Variants in RET observed in about 807,000 individuals in gnomAD.
RET encodes the protein ret proto-oncogene.
Under a neutral mutation model 118.3 loss-of-function variants are expected in RET, and 19 were observed. The observed-to-expected ratio is 0.16, with a 90% confidence interval of 0.11 to 0.24. The LOEUF (loss-of-function observed/expected upper bound fraction) is 0.24, where lower values mean the gene tolerates loss of function less well. Ranked by LOEUF, RET falls within the 10% of genes least tolerant of loss-of-function variation. RET has a pLI of 1.00. For synonymous variants in RET, 597 were observed against 644.1 expected, an observed-to-expected ratio of 0.93 and a Z score of 1.11; for missense variants, 1,219 against 1,502.1, an observed-to-expected ratio of 0.81 and a Z score of 3.12.
chr10:43,095,889 C>T (rs1051081910), intron 1 of RET, among the ~76,000 whole-genome samples: 4 of 152,248 alleles, frequency 2.6e-5, no homozygotes, highest in Admixed American at 1.3e-4. Flanking sequence ...TGCCTGGGCA[C>T]AGCCAGCCTG....
At chr10:43,123,898 G>A (rs1031145606) in intron 17 of RET, 90 bp downstream of exon 17, 1 of 1,591,218 alleles carries the variant, frequency 6.3e-7, no homozygotes. Flanking sequence ...AGCCCCAGGA[G>A]AAACCAGGAG....
At chr10:43,104,748 ACTG>A in intron 3 of RET, 1 of 761,850 alleles carries the variant, frequency 1.3e-6, no homozygotes, top group South Asian at 1.8e-5. Flanking sequence ...ATCGCTGCAA[ACTG>A]CAAACTCGTA....
At position 43,114,490 on chromosome 10, in the gene RET, C is replaced by T. The variant is rs781145070; in HGVS notation, c.1890C>T (p.Cys630=). ...CEPEDIQDPL[C]DELCRTVIAA... ...CACCCCCACCCACAGATCCACTGTG[C>T]GACGAGCTGTGCCGCACGGTGATCG... Residue 630 remains cysteine (C), a synonymous_variant, in exon 11 of 20, where the codon TGC becomes TGT. Coordinates refer to ENST00000355710, the MANE Select transcript of RET (RefSeq NM_020975.6). This position sits in a 1 kb window ranked among gnomAD's most constrained non-coding sequence, Gnocchi z 4.6. 38 of 1,606,654 alleles carry T rather than the reference C, an allele frequency of 2.4e-5. No individual in the cohort carries two copies. The highest frequency in any genetic ancestry group is 2.9e-5 in the Non-Finnish European group (34 of 1,179,968).
At position 43,111,303 on chromosome 10, in the gene RET, G is replaced by C. The variant is rs1837917806; in HGVS notation, c.1360G>C (p.Val454Leu). The C allele has an allele frequency of 6.2e-7, 1 of 1,614,172 alleles. No homozygotes were observed. Among genetic ancestry groups the C allele is most frequent in the Non-Finnish European group, 8.5e-7 (1 of 1,180,042 alleles). ...TGGTGCCAACTGCAGCACGCTAGGG[G>C]TGGTCACCTCAGCCGAGGACACCTC... ...SSGANCSTLG[V>L]VTSAEDTSGI... The change falls in exon 7 of 20, where the codon GTG becomes CTG. Residue 454 changes from valine to leucine, a missense_variant. Physicochemically the swap from Val to Leu is conservative, Grantham distance 32 (BLOSUM62 1). Around this residue, in one of 5 missense-constraint regions of RET, gnomAD observed 850 missense variants for 969.6 expected, o/e 0.88. Coordinates refer to ENST00000355710, the MANE Select transcript of RET (RefSeq NM_020975.6).
chr10:43,089,266 G>C (rs1441567862), intron 1 of RET, among the ~76,000 whole-genome samples: 3 of 152,244 alleles, frequency 2.0e-5, no homozygotes, highest in Non-Finnish European at 4.4e-5. Context: ...GCCGGGGTCA[G>C]GTGTCCCAGG....
intron 3 of RET, 29 bp downstream of exon 3, chr10:43,102,658 A>G (rs776672184): frequency 6.2e-7 from 1 of 1,613,116 alleles, no homozygotes; most frequent in Non-Finnish European, 8.5e-7. Context: ...GGGCCGCCCC[A>G]CAGTGCCTGC....
At chr10:43,125,792 C>T (rs949576229) in intron 18 of RET, among the ~76,000 whole-genome samples, 5 of 152,184 alleles carry the variant, frequency 3.3e-5, no homozygotes, top group Non-Finnish European at 5.9e-5. Context: ...ACTTGGATAG[C>T]GGGATGCAGG....
intron 1 of RET, among the ~76,000 whole-genome samples, chr10:43,095,777 C>T (rs1837510520): frequency 6.6e-6 from 1 of 152,192 alleles, no homozygotes; most frequent in Non-Finnish European, 1.5e-5. Context: ...ACTACATAGG[C>T]CTTGAAGGTT....
intron 1 of RET, among the ~76,000 whole-genome samples, chr10:43,079,122 G>GGGCCTGATGACA (rs1217109373): frequency 6.6e-6 from 1 of 152,198 alleles, no homozygotes; most frequent in East Asian, 1.9e-4. Flanking sequence ...TTTAGTGGCT[G>GGGCCTGATGACA]GGCCTGATGA....
At chr10:43,093,933 CG>C (rs1256468608) in intron 1 of RET, among the ~76,000 whole-genome samples, 2 of 151,686 alleles carry the variant, frequency 1.3e-5, no homozygotes, top group African/African-American at 4.8e-5. Flanking sequence ...GGTGGGGAGG[CG>C]GGAGGAGCAG....
intron 1 of RET, among the ~76,000 whole-genome samples, chr10:43,091,822 C>CA (rs60545334): frequency 5.8e-4 from 67 of 114,578 alleles, no homozygotes; most frequent in East Asian, 4.7e-3. Flanking sequence ...TGTCTACTAT[C>CA]AAAAAAAAAA....
rs1314541806 is a variant in RET, at chr10:43,116,571, A to C, written c.2137-13A>C. ...TCCCCCCTCTTCTCCCCCTTCCCTCATTTCCAACATAGGAGGATCCAAAGT... is the reference window on the plus strand; with the variant it reads ...TCCCCCCTCTTCTCCCCCTTCCCTCCTTTCCAACATAGGAGGATCCAAAGT... On this transcript the variant is annotated splice_polypyrimidine_tract_variant and intron_variant, in intron 11 of 19. Transcript: ENST00000355710. 2 of 1,606,788 alleles carry C rather than the reference A, an allele frequency of 1.2e-6. No homozygotes were observed. Among genetic ancestry groups the C allele is most frequent in the African/African-American group, 2.7e-5 (2 of 74,098 alleles).
intron 1 of RET, among the ~76,000 whole-genome samples, chr10:43,094,547 T>G (rs1219051931): frequency 1.3e-5 from 2 of 152,168 alleles, no homozygotes; most frequent in Non-Finnish European, 2.9e-5. Flanking sequence ...TGTGTTTCTG[T>G]GGCAGGGTCA....
At chr10:43,088,713 C>G (rs558991935) in intron 1 of RET, among the ~76,000 whole-genome samples, 1 of 152,212 alleles carries the variant, frequency 6.6e-6, no homozygotes, top group South Asian at 2.1e-4. Flanking sequence ...TTGCTCCAGG[C>G]TCATTACCAC....
In RET at chr10:43,104,860, C is replaced by G. The variant is rs1411585168; in HGVS notation, c.626-92C>G. ...GCCTGGGGCCGCGGCGGTGTGCGCC[C>G]CGCTCTGACCGCAGAGCCCCCTTCC... On this transcript the variant is annotated intron_variant, in intron 3 of 19. Coordinates refer to ENST00000355710, the MANE Select transcript of RET (RefSeq NM_020975.6). 2.7e-6 allele frequency: 4 copies of G among 1,504,170 alleles called. No individual in the cohort carries two copies. In the Admixed American group the frequency reaches 8.3e-5, roughly 31 times the overall value. 93.2% of individuals were successfully genotyped at this position (1,504,170 alleles called of 1,614,324 possible). A position where few individuals can be genotyped will look rare whatever the true frequency, so the allele number is the denominator to read the frequency against.
rs1838392328 is a variant in RET, at chr10:43,128,958, C to T, written c.*689C>T. On this transcript the variant is annotated 3_prime_UTR_variant, in exon 20 of 20. Transcript: ENST00000355710. The stretch of plus-strand genomic sequence containing the variant: ...TTAGCACAATGGAGAGATTCCATGC[C>T]ATCTTTACTATGTGGATGGTGGTAT... 1 of 238,006 alleles carries T rather than the reference C, an allele frequency of 4.2e-6. No individual in the cohort carries two copies. The highest frequency in any genetic ancestry group is 8.3e-6 in the Non-Finnish European group (1 of 120,882). 14.7% of individuals were successfully genotyped at this position (238,006 alleles called of 1,614,324 possible). A position where few individuals can be genotyped will look rare whatever the true frequency, so the allele number is the denominator to read the frequency against.
At chr10:43,102,953 C>G in intron 3 of RET, 1 of 434,258 alleles carries the variant, frequency 2.3e-6, no homozygotes, top group Non-Finnish European at 4.3e-6. Flanking sequence ...GAGGGAAACG[C>G]TGAAGAGGAG....
chr10:43,111,460 G>A lies in RET; in HGVS notation c.1517G>A (p.Gly506Glu), dbSNP rs1273035640. ...AQAQLLVTVE[G>E]SYVAEEAGCP... is the part of the protein sequence containing the mutation. ...GCCCAGCTGCTTGTAACAGTGGAGG[G>A]GTCATGTGAGTGCCTGCTCCAGGGA... Residue 506 changes from glycine (G) to glutamate (E), a missense_variant, in exon 7 of 20, where the codon GGG (glycine) becomes GAG (glutamate). Physicochemically the swap from Gly to Glu is moderately conservative, Grantham distance 98. Coordinates refer to ENST00000355710, the MANE Select transcript of RET (RefSeq NM_020975.6). The A allele has an allele frequency of 6.2e-7, 1 of 1,611,778 alleles. No individual in the cohort carries two copies. The highest frequency in any genetic ancestry group is 8.5e-7 in the Non-Finnish European group (1 of 1,178,594).
At chr10:43,105,607 C>T (rs963543636) in intron 4 of RET, among the ~76,000 whole-genome samples, 1 of 152,188 alleles carries the variant, frequency 6.6e-6, no homozygotes, top group African/African-American at 2.4e-5. Context: ...ACCTCCGGCG[C>T]CGCCCGCCCC....
Sources: allele counts gnomAD v4.1 joint callset (sites outside exome capture counted in the v4.1 genomes callset), GRCh38; gene constraint gnomAD v4.1.1; regional missense constraint gnomAD v4.1.1; non-coding constraint Gnocchi (gnomAD v3.1); transcripts MANE v1.5; gene names NCBI Gene and HGNC (gene_info 2026-07-23, HGNC 2026-07-21).